Variants in RCBTB2 observed in about 807,000 individuals in gnomAD.
RCBTB2 encodes the protein RCC1 and BTB domain containing protein 2.
Under a neutral mutation model 65.4 loss-of-function variants are expected in RCBTB2, and 55 were observed. That is an observed-to-expected ratio of 0.84 (90% CI 0.68 to 1.05). The LOEUF is 1.05. Among genes scored for constraint, RCBTB2 ranks in the 50% least tolerant of loss-of-function variants. RCBTB2 has a pLI of 0.00. For synonymous variants in RCBTB2, 220 were observed against 255.2 expected (o/e 0.86, Z 1.31); for missense variants, 599 against 680.1 (o/e 0.88, Z 1.33).
chr13:48,509,535 G>A (rs959283928), intron 10 of RCBTB2, among the ~76,000 whole-genome samples: 1 of 152,056 alleles, frequency 6.6e-6, no homozygotes, highest in African/African-American at 2.4e-5. Context: ...ACAGCTGCAG[G>A]CATCTACCTG....
rs1460384404 is a variant in RCBTB2 at position 48,493,314 on chromosome 13, C to CT, written c.1515+2876_1515+2877insA. Among the ~76,000 whole-genome samples the CT allele has an allele frequency of 5.2e-3, 453 of 87,742 alleles. 1 individual carries two copies. Among genetic ancestry groups the CT allele is most frequent in the Non-Finnish European group, 7.3e-3 (318 of 43,372 alleles). The allele number at this position is 87,742 out of a possible 152,430, so 57.6% of individuals were successfully genotyped here. A position where few individuals can be genotyped will look rare whatever the true frequency, so the allele number is the denominator to read the frequency against. On this transcript the variant is annotated intron_variant, in intron 14 of 14. Transcript: ENST00000344532. ...CCACACACACACACACACACACACA[C>CT]ACTCTCTCTCTCTCTCTCTCTCTCT...
intron 13 of RCBTB2, 116 bp downstream of exon 13, chr13:48,499,505 A>G (rs1033696437): frequency 9.1e-7 from 1 of 1,095,428 alleles, no homozygotes; most frequent in Non-Finnish European, 1.3e-6. Context: ...TTCAACACAC[A>G]CAAAAAGAAA....
chr13:48,499,836 C>T, intron 12 of RCBTB2, 76 bp from the exon 13 acceptor site: 4 of 1,559,142 alleles, frequency 2.6e-6, no homozygotes, highest in Non-Finnish European at 3.5e-6. Flanking sequence ...CCACGTTCTT[C>T]TCTCGAAGGT....
chr13:48,503,943 G>A (rs1241989980), intron 10 of RCBTB2, among the ~76,000 whole-genome samples: 6 of 152,154 alleles, frequency 3.9e-5, no homozygotes, highest in African/African-American at 4.8e-5. Flanking sequence ...AAGGAAAATG[G>A]TAAACTCTTT....
chr13:48,517,572 G>C (rs562690057), intron 4 of RCBTB2, among the ~76,000 whole-genome samples: 2 of 152,300 alleles, frequency 1.3e-5, no homozygotes, highest in African/African-American at 2.4e-5. Context: ...TCAGTAAAGG[G>C]AAGCTAGGAT....
At chr13:48,502,504 G>T (rs180760819) in intron 11 of RCBTB2, among the ~76,000 whole-genome samples, 124 of 141,798 alleles carry the variant, frequency 8.7e-4, no homozygotes, top group Admixed American at 1.2e-3. Flanking sequence ...CTCTCTTAAA[G>T]AAAAAAAAAA....
At chr13:48,519,328 C>T (rs9331975) in intron 4 of RCBTB2, among the ~76,000 whole-genome samples, 3,123 of 152,244 alleles carry the variant, frequency 0.021, 109 homozygotes, top group African/African-American at 0.071. Context: ...CAATGACTGA[C>T]GGCTATTTCA....
intron 4 of RCBTB2, among the ~76,000 whole-genome samples, chr13:48,521,478 C>A (rs1390378624): frequency 6.6e-6 from 1 of 152,144 alleles, no homozygotes; most frequent in Non-Finnish European, 1.5e-5. Context: ...CTGTCATGTT[C>A]AGATGTGATG....
chr13:48,525,409 T>C (rs1251341305), intron 1 of RCBTB2, among the ~76,000 whole-genome samples: 3 of 130,550 alleles, frequency 2.3e-5, no homozygotes, highest in Non-Finnish European at 4.8e-5. Context: ...TATATATATA[T>C]ATATATATAT....
chr13:48,515,275 ATCCAGTC>A lies in RCBTB2; in HGVS notation c.272_278del (p.Arg91IlefsTer3). The stretch of plus-strand genomic sequence containing the variant: ...AGGCTATTTTTTTGCCATTTAAAGA[ATCCAGTC>A]TCCGAGGTTCAATGGTGCTCTGGAC... On this transcript the variant is annotated frameshift_variant, in exon 6 of 15. Transcript: ENST00000344532. LOFTEE classifies it high-confidence loss of function. The A allele has an allele frequency of 6.2e-7, 1 of 1,614,142 alleles. No individual in the cohort carries two copies. The highest frequency in any genetic ancestry group is 1.1e-5 in the South Asian group (1 of 91,086).
rs1167803894 is a variant in RCBTB2 at position 48,515,317 on chromosome 13, C to G, written c.237G>C (p.Gly79=). The change falls in exon 6 of 15, where the codon GGG becomes GGC. Residue 79 remains glycine (G), a synonymous_variant. Transcript: ENST00000344532. Reference sequence around the variant, plus strand: ...CAATGGTGCTCTGGACGTCACCTAACCCCAAACAGCCACAGCAGTTTGTGC... The same window carrying G: ...CAATGGTGCTCTGGACGTCACCTAAGCCCAAACAGCCACAGCAGTTTGTGC... The part of the protein sequence containing the change: ...VLGTNCCGCL[G]LGDVQSTIEP... The G allele has an allele frequency of 6.2e-7, 1 of 1,613,956 alleles. No homozygotes were observed. The highest frequency in any genetic ancestry group is 8.5e-7 in the Non-Finnish European group (1 of 1,179,972).
chr13:48,514,938 G>A (rs9331995), intron 6 of RCBTB2, among the ~76,000 whole-genome samples: 2,434 of 152,266 alleles, frequency 0.016, 60 homozygotes, highest in African/African-American at 0.055. Context: ...AGAATCCAAA[G>A]TTCAGACAGA....
At chr13:48,526,634 C>T (rs2138639289) in intron 1 of RCBTB2, among the ~76,000 whole-genome samples, 1 of 152,028 alleles carries the variant, frequency 6.6e-6, no homozygotes, top group African/African-American at 2.4e-5. Context: ...ATAAAAATAG[C>T]CTGGGCGCGG....
chr13:48,513,069 T>G (rs747078617), intron 6 of RCBTB2, among the ~76,000 whole-genome samples, 174 bp from the exon 7 acceptor site: 6 of 152,218 alleles, frequency 3.9e-5, no homozygotes, highest in Non-Finnish European at 7.3e-5. Flanking sequence ...AAGTATAAAC[T>G]GCATTCTACC....
chr13:48,519,862 TG>T (rs553528179), intron 4 of RCBTB2, among the ~76,000 whole-genome samples: 18 of 152,304 alleles, frequency 1.2e-4, no homozygotes, highest in African/African-American at 4.1e-4. Flanking sequence ...ATAAAATGCA[TG>T]TATTTGCATT....
intron 6 of RCBTB2, 110 bp from the exon 7 acceptor site, chr13:48,513,005 G>T (rs1950891535): frequency 5.9e-6 from 5 of 842,232 alleles, no homozygotes; most frequent in Non-Finnish European, 8.9e-6. Context: ...GGTGCAAAAA[G>T]CTAATCAACT....
At position 48,489,954 on chromosome 13, in the gene RCBTB2, G is replaced by A. The variant is rs9332077; in HGVS notation, c.*157C>T. ...GCTTTCTACATAAACTCTGGGTTTA[G>A]GCAGACAAAGACCACTCACCACCAT... On this transcript the variant is annotated 3_prime_UTR_variant, in exon 15 of 15. Coordinates refer to ENST00000344532, the MANE Select transcript of RCBTB2 (RefSeq NM_001268.4). 2.9e-3 allele frequency: 2,212 copies of A among 770,808 alleles called. 28 individuals are homozygous for A. In the African/African-American group the frequency reaches 0.036, roughly 12 times the overall value. The allele number at this position is 770,808 out of a possible 1,614,324, so 47.7% of individuals were successfully genotyped here.
At position 48,501,775 on chromosome 13, in the gene RCBTB2, T is replaced by C. The variant is rs758965158; in HGVS notation, c.1211A>G (p.Tyr404Cys). Residue 404 changes from tyrosine to cysteine, a missense_variant, in exon 12 of 15, where the codon TAC becomes TGC. Physicochemically the swap from Tyr to Cys is radical, Grantham distance 194. Transcript: ENST00000344532. Reference sequence around the variant, plus strand: ...GAGAAGGACTTTATGTGCATAAATGTACTTTCCATCAACTAGAAACTTCAG... The same window carrying C: ...GAGAAGGACTTTATGTGCATAAATGCACTTTCCATCAACTAGAAACTTCAG... Reference protein sequence around the residue: ...ADLKFLVDGKYIYAHKVLLKI... With the variant: ...ADLKFLVDGKCIYAHKVLLKI... 6 of 1,612,878 alleles carry C rather than the reference T, an allele frequency of 3.7e-6. No individual in the cohort carries two copies. The African/African-American group carries it at 8.0e-5, about 22-fold the overall frequency.
intron 3 of RCBTB2, 122 bp from the exon 4 acceptor site, chr13:48,522,084 G>T: frequency 2.2e-6 from 2 of 900,058 alleles, no homozygotes; most frequent in South Asian, 1.6e-5. Flanking sequence ...GTGAAAGGAA[G>T]ATAAAGGAAT....
Sources: gnomAD v4.1 joint callset for allele counts (sites outside exome capture counted in the v4.1 genomes callset) on GRCh38, gnomAD v4.1.1 for gene constraint, MANE v1.5 for transcripts, NCBI Gene and HGNC (gene_info 2026-07-23, HGNC 2026-07-21) for gene names.